Variants in LINGO2 observed in about 807,000 individuals in gnomAD.
LINGO2 encodes leucine-rich repeat and immunoglobulin-like domain-containing nogo receptor-interacting protein 2.
Under a neutral mutation model 30.6 loss-of-function variants are expected in LINGO2, and 14 were observed. That is an observed-to-expected ratio of 0.46 (90% confidence interval 0.30 to 0.72). LINGO2 has a LOEUF of 0.72. Ranked by LOEUF, LINGO2 falls within the 30% of genes least tolerant of loss-of-function variation. LINGO2 has a pLI of 0.07. For missense variants in LINGO2, 729 were observed against 751.7 expected, an observed-to-expected ratio of 0.97 and a Z score of 0.35; for synonymous variants, 317 against 288.5, an observed-to-expected ratio of 1.10 and a Z score of -1.00.
intron 3 of LINGO2, among the ~76,000 whole-genome samples, chr9:28,345,536 A>T (rs1193250702): frequency 6.6e-6 from 1 of 152,162 alleles, no homozygotes; most frequent in Non-Finnish European, 1.5e-5. Context: ...TGATCATAGT[A>T]TAGTGTTGTT....
intron 1 of LINGO2, among the ~76,000 whole-genome samples, chr9:28,490,085 A>G (rs930457130): frequency 1.7e-4 from 26 of 152,202 alleles, no homozygotes; most frequent in African/African-American, 6.0e-4. Flanking sequence ...TCAGTCAGCA[A>G]AGTCCCAGGT....
the LINGO2 span, among the ~76,000 whole-genome samples, chr9:29,081,868 T>C: frequency 0.19 from 28,584 of 149,654 alleles, 2,887 homozygotes; most frequent in African/African-American, 0.23. Context: ...ATCCAACTTA[T>C]AAGGGATGTG....
the LINGO2 span, among the ~76,000 whole-genome samples, chr9:28,906,133 G>T: frequency 6.6e-6 from 1 of 151,928 alleles, no homozygotes; most frequent in African/African-American, 2.4e-5. Context: ...GGGTAGAAAT[G>T]GTGGCCAAGG....
At chr9:29,038,213 G>A in the LINGO2 span, among the ~76,000 whole-genome samples, 1 of 152,040 alleles carries the variant, frequency 6.6e-6, no homozygotes, top group South Asian at 2.1e-4. Flanking sequence ...CAAAGTGGTT[G>A]TATCGGTTAT....
At chr9:28,721,369 T>C in the LINGO2 span, among the ~76,000 whole-genome samples, 15 of 152,134 alleles carry the variant, frequency 9.9e-5, no homozygotes, top group South Asian at 1.0e-3. Flanking sequence ...CATATGTTTA[T>C]TGCAGCACTA....
the LINGO2 span, among the ~76,000 whole-genome samples, chr9:28,812,390 C>A: frequency 6.6e-6 from 1 of 152,006 alleles, no homozygotes; most frequent in Non-Finnish European, 1.5e-5. Flanking sequence ...ATTTAAAAAT[C>A]TCTCTTTCAT....
At chr9:29,159,322 T>C in the LINGO2 span, among the ~76,000 whole-genome samples, 1 of 152,166 alleles carries the variant, frequency 6.6e-6, no homozygotes, top group Non-Finnish European at 1.5e-5. Context: ...CCTTCCAAAG[T>C]AGGTATTCTA....
intron 4 of LINGO2, among the ~76,000 whole-genome samples, chr9:28,287,146 A>T (rs573848297): frequency 5.6e-4 from 86 of 152,326 alleles, no homozygotes; most frequent in Admixed American, 9.8e-4. Flanking sequence ...CTGCACATTT[A>T]GAAACAAGTT....
chr9:28,503,973 G>C (rs1183038341), intron 1 of LINGO2, among the ~76,000 whole-genome samples: 1 of 151,902 alleles, frequency 6.6e-6, no homozygotes, highest in East Asian at 1.9e-4. Flanking sequence ...GGGTTCTCCT[G>C]AAATTTAGTG....
chr9:29,066,517 C>A, the LINGO2 span, among the ~76,000 whole-genome samples: 1 of 151,742 alleles, frequency 6.6e-6, no homozygotes, highest in African/African-American at 2.4e-5. Flanking sequence ...ATAGTGGCAC[C>A]CTAGAGATAA....
chr9:28,019,273 TAAAA>T (rs61388318), intron 4 of LINGO2, among the ~76,000 whole-genome samples: 1 of 145,586 alleles, frequency 6.9e-6, no homozygotes, highest in African/African-American at 2.5e-5. Flanking sequence ...ACCTAAAACT[TAAAA>T]AAAAAAATCA....
At chr9:28,252,136 A>G (rs1284181535) in intron 4 of LINGO2, among the ~76,000 whole-genome samples, 2 of 152,224 alleles carry the variant, frequency 1.3e-5, no homozygotes, top group Non-Finnish European at 2.9e-5. Context: ...ATTTCATAAA[A>G]TATATTTTTA....
chr9:28,406,223 G>A (rs1822508866), intron 2 of LINGO2, among the ~76,000 whole-genome samples: 1 of 152,108 alleles, frequency 6.6e-6, no homozygotes, highest in South Asian at 2.1e-4. Context: ...ATCACTTGAG[G>A]TCAGGAGTTC....
At chr9:28,010,454 C>CCCT (rs1039319308) in intron 5 of LINGO2, among the ~76,000 whole-genome samples, 1 of 152,064 alleles carries the variant, frequency 6.6e-6, no homozygotes, top group Non-Finnish European at 1.5e-5. Context: ...GCATTATAAT[C>CCCT]CCTCCTTTTT....
At chr9:28,391,480 T>C (rs1362281723) in intron 2 of LINGO2, among the ~76,000 whole-genome samples, 2 of 152,100 alleles carry the variant, frequency 1.3e-5, no homozygotes, top group African/African-American at 2.4e-5. Context: ...CGGGAAATCA[T>C]CTGTTTTTCT....
chr9:28,670,142 T>TA, intron 1 of LINGO2, 58 bp downstream of exon 3: 1 of 152,144 alleles, frequency 6.6e-6, no homozygotes, highest in South Asian at 2.1e-4. Flanking sequence ...AGTTTTAAAA[T>TA]AAAAAATCCT....
At chr9:28,833,897 A>G in the LINGO2 span, among the ~76,000 whole-genome samples, 1 of 152,098 alleles carries the variant, frequency 6.6e-6, no homozygotes, top group Non-Finnish European at 1.5e-5. Flanking sequence ...GCCTGATCCA[A>G]TTTTCACTGG....
chr9:28,303,416 G>T (rs1824221957), intron 3 of LINGO2, among the ~76,000 whole-genome samples: 1 of 151,990 alleles, frequency 6.6e-6, no homozygotes, highest in South Asian at 2.1e-4. Context: ...AAAGCTTGAG[G>T]GAGTGACACA....
the LINGO2 span, among the ~76,000 whole-genome samples, chr9:28,932,114 A>AAATAAAATAAAATAAAATAC: frequency 6.9e-6 from 1 of 144,610 alleles, no homozygotes; most frequent in African/African-American, 2.5e-5. Flanking sequence ...CAAAAAAATA[A>AAATAAAATAAAATAAAATAC]AATAAAATAA....
Sources: gnomAD v4.1 joint callset for allele counts (sites outside exome capture counted in the v4.1 genomes callset) on GRCh38, gnomAD v4.1.1 for gene constraint, MANE v1.5 for transcripts, NCBI Gene and HGNC (gene_info 2026-07-23, HGNC 2026-07-21) for gene names.